The following ABCC1 variants were observed in gnomAD, a reference collection of about 807,000 sequenced individuals.
ABCC1 encodes ATP binding cassette subfamily C member 1 (ABCC1 blood group).
In ABCC1, 83 loss-of-function variants were observed where a neutral mutation model predicts 172.9. That is an observed-to-expected ratio of 0.48 (90% CI 0.40 to 0.58). The LOEUF (loss-of-function observed/expected upper bound fraction) is 0.58, where lower values mean the gene tolerates loss of function less well. ABCC1 is among the 20% of genes least tolerant of loss of function. ABCC1 has a pLI of 0.00. For synonymous variants in ABCC1, 937 were observed against 825.2 expected, an observed-to-expected ratio of 1.14 and a Z score of -2.32; for missense variants, 1,817 against 2,002.7, an observed-to-expected ratio of 0.91 and a Z score of 1.77.
At chr16:16,057,195 A>AG (rs1450211958) in intron 12 of ABCC1, among the ~76,000 whole-genome samples, 2 of 145,352 alleles carry the variant, frequency 1.4e-5, no homozygotes, top group Non-Finnish European at 3.0e-5. Flanking sequence ...AAAAAAAAAA[A>AG]AAAGAAAGAA....
chr16:16,124,980 C>T, intron 25 of ABCC1, 65 bp downstream of exon 25: 1 of 1,605,246 alleles, frequency 6.2e-7, no homozygotes, highest in Non-Finnish European at 8.5e-7. Context: ...TTGTCCTTGG[C>T]TTTGGATTCC....
At chr16:16,129,356 A>G (rs980266812) in intron 26 of ABCC1, among the ~76,000 whole-genome samples, 1 of 151,900 alleles carries the variant, frequency 6.6e-6, no homozygotes, top group African/African-American at 2.4e-5. Flanking sequence ...CAATAATAAC[A>G]TTTATTTTTT....
In ABCC1 at chr16:16,086,856, C is replaced by T. The variant is rs544129742; in HGVS notation, c.2325C>T (p.Arg775=). ...GVNLSGGQKQ[R]VSLARAVYSN... ...ACCTGTCTGGGGGCCAGAAGCAGCG[C>T]GTGAGCCTGGCCCGGGCCGTGTACT... Residue 775 remains arginine (R), a synonymous_variant, in exon 18 of 31, where the codon CGC becomes CGT. Coordinates refer to ENST00000399410, the MANE Select transcript of ABCC1 (RefSeq NM_004996.4). 5.0e-5 allele frequency: 80 copies of T among 1,614,020 alleles called. No homozygotes were observed. The highest frequency in any genetic ancestry group is 3.3e-4 in the Middle Eastern group (2 of 6,026).
At chr16:16,053,194 T>G (rs1201619397) in intron 11 of ABCC1, among the ~76,000 whole-genome samples, 3 of 152,132 alleles carry the variant, frequency 2.0e-5, no homozygotes, top group Non-Finnish European at 4.4e-5. Flanking sequence ...TGACTCAGCT[T>G]TCAAGAGTTG....
chr16:16,045,951 C>T lies in ABCC1; in HGVS notation c.1156C>T (p.His386Tyr). 1 of 1,614,170 alleles carries T rather than the reference C, an allele frequency of 6.2e-7. No homozygotes were observed. Among genetic ancestry groups the T allele is most frequent in the Non-Finnish European group, 8.5e-7 (1 of 1,180,040 alleles). The stretch of plus-strand genomic sequence containing the variant: ...GACCCTCGTGCTGCACCAGTACTTC[C>T]ACATCTGCTTCGTCAGTGGCATGAG... The part of the protein sequence containing the change: ...LQTLVLHQYF[H>Y]ICFVSGMRIK... Residue 386 changes from histidine (H) to tyrosine (Y), a missense_variant, in exon 9 of 31, where the codon CAC becomes TAC. Physicochemically the swap from His to Tyr is moderately conservative, Grantham distance 83. Around this residue, in one of 3 missense-constraint regions of ABCC1, gnomAD observed 1,412 missense variants for 1,600.3 expected, o/e 0.88. Transcript: ENST00000399410.
At chr16:16,076,198 A>T (rs747978925) in intron 14 of ABCC1, 128 bp from the exon 15 acceptor site, 37 of 870,424 alleles carry the variant, frequency 4.3e-5, no homozygotes, top group South Asian at 6.6e-5. Flanking sequence ...ATGTCACCAG[A>T]TAATAATGCC....
intron 19 of ABCC1, 118 bp from the exon 20 acceptor site, chr16:16,102,509 C>A (rs1363798942): frequency 2.3e-6 from 2 of 859,460 alleles, no homozygotes; most frequent in Admixed American, 2.2e-5. Flanking sequence ...ACTTTCTGAT[C>A]ATCCTGGCGG....
At chr16:16,011,681 T>TC (rs1365123235) in intron 3 of ABCC1, among the ~76,000 whole-genome samples, 1 of 151,420 alleles carries the variant, frequency 6.6e-6, no homozygotes, top group Admixed American at 6.6e-5. Context: ...TTTTTATTTT[T>TC]CCCCCCGAGA....
Position 16,028,968 on chromosome 16 carries a change from G to C in ABCC1, c.616-4141G>C, listed in dbSNP as rs149313753. 3.2e-3 allele frequency among the ~76,000 whole-genome samples: 490 copies of C among 152,194 alleles called. 5 individuals are homozygous for C. Among genetic ancestry groups the C allele is most frequent in the African/African-American group, 0.011 (467 of 41,526 alleles). On this transcript the variant is annotated intron_variant, in intron 5 of 30. Coordinates refer to ENST00000399410, the MANE Select transcript of ABCC1 (RefSeq NM_004996.4). ...TTATTAAAGATCTGTGGCTGTCAGGGTCCTCCCCCTGGAGGTGCTGATTTA... is the reference window on the plus strand; with the variant it reads ...TTATTAAAGATCTGTGGCTGTCAGGCTCCTCCCCCTGGAGGTGCTGATTTA...
chr16:16,064,456 G>A (rs2151940595), intron 12 of ABCC1, among the ~76,000 whole-genome samples: 1 of 152,338 alleles, frequency 6.6e-6, no homozygotes, highest in South Asian at 2.1e-4. Flanking sequence ...AGGGGTGGAT[G>A]GCTAGATGAC....
At chr16:16,062,958 C>T (rs1392369142) in intron 12 of ABCC1, among the ~76,000 whole-genome samples, 2 of 152,184 alleles carry the variant, frequency 1.3e-5, no homozygotes. Flanking sequence ...TTGTGAGCTT[C>T]TTGCCTTCTG....
chr16:16,008,404 T>C (rs1158845021), intron 2 of ABCC1, among the ~76,000 whole-genome samples: 2 of 151,922 alleles, frequency 1.3e-5, no homozygotes, highest in East Asian at 1.9e-4. Context: ...GGGGACTTGC[T>C]GTGTTGCCCG....
intron 17 of ABCC1, among the ~76,000 whole-genome samples, chr16:16,085,775 G>T (rs146650634): frequency 2.0e-5 from 3 of 152,198 alleles, no homozygotes; most frequent in Non-Finnish European, 4.4e-5. Context: ...GTGAGATTCT[G>T]TCTCCAAAAA....
At chr16:16,066,321 A>G (rs893511384) in intron 12 of ABCC1, among the ~76,000 whole-genome samples, 12 of 151,784 alleles carry the variant, frequency 7.9e-5, no homozygotes, top group African/African-American at 2.9e-4. Flanking sequence ...AGCTGGGATT[A>G]TAGGCATGCA....
At chr16:15,970,483 C>T (rs113704285) in intron 1 of ABCC1, among the ~76,000 whole-genome samples, 26 of 152,304 alleles carry the variant, frequency 1.7e-4, no homozygotes, top group Admixed American at 4.6e-4. Flanking sequence ...GATACTGGAG[C>T]GCAGCTAGCA....
At chr16:16,087,129 G>A in intron 18 of ABCC1, 138 bp downstream of exon 18, 1 of 1,063,308 alleles carries the variant, frequency 9.4e-7, no homozygotes, top group South Asian at 1.6e-5. Context: ...CATTTCTCAT[G>A]CTTGTCTTGG....
chr16:16,044,744 AT>A (rs1270831053), intron 8 of ABCC1, 64 bp downstream of exon 8: 1 of 1,451,960 alleles, frequency 6.9e-7, no homozygotes, highest in African/African-American at 1.4e-5. Flanking sequence ...TTTCAGTTGC[AT>A]CAGTCATAAC....
rs576680945 is a variant in ABCC1 at position 16,076,490 on chromosome 16, C to T, written c.1988+89C>T. On this transcript the variant is annotated intron_variant, in intron 15 of 30. Transcript: ENST00000399410. ...GATTCGAATTCCCACCGTGCTCCCT[C>T]TCTGTGACCTTGAACAACTCACTTT... 60 of 1,280,878 alleles carry T rather than the reference C, an allele frequency of 4.7e-5. 1 individual carries two copies. In the South Asian group the frequency reaches 8.5e-4, roughly 18 times the overall value. The allele number at this position is 1,280,878 out of a possible 1,614,324, so 79.3% of individuals were successfully genotyped here.
chr16:16,122,267 T>A, intron 24 of ABCC1, 93 bp downstream of exon 24: 1 of 1,411,516 alleles, frequency 7.1e-7, no homozygotes. Context: ...TTGAGCTGGG[T>A]ATAAAGCCAA....
Sources: allele counts gnomAD v4.1 joint callset (sites outside exome capture counted in the v4.1 genomes callset), GRCh38; gene constraint gnomAD v4.1.1; regional missense constraint gnomAD v4.1.1; transcripts MANE v1.5; gene names NCBI Gene and HGNC (gene_info 2026-07-23, HGNC 2026-07-21).